Variants in IDI2 observed in about 807,000 individuals in gnomAD.
IDI2 encodes the protein isopentenyl-diphosphate delta isomerase 2.
IDI2 carries 18 observed loss-of-function variants against 14.8 expected under a neutral mutation model. The observed-to-expected ratio is 1.22, with a 90% CI of 0.84 to 1.80. IDI2 has a LOEUF of 1.80. Ranked by LOEUF, IDI2 falls within the 40% of genes most tolerant of loss-of-function variation. IDI2 has a pLI of 0.00. For missense variants in IDI2, 316 were observed against 283.2 expected (o/e 1.12, Z -0.83); for synonymous variants, 133 against 109.6 (o/e 1.21, Z -1.33).
intron 3 of IDI2, among the ~76,000 whole-genome samples, chr10:1,021,179 C>G (rs543621029): frequency 6.6e-6 from 1 of 152,302 alleles, no homozygotes; most frequent in East Asian, 1.9e-4. Context: ...TGGCACTATC[C>G]CAGTATGTCT....
chr10:1,023,303 G>A (rs1242727489), intron 2 of IDI2, among the ~76,000 whole-genome samples: 2 of 152,056 alleles, frequency 1.3e-5, no homozygotes, highest in East Asian at 1.9e-4. Context: ...GTGAAACCCC[G>A]TCTCTACTAA....
intron 3 of IDI2, among the ~76,000 whole-genome samples, chr10:1,021,188 C>G (rs1589036529): frequency 6.6e-6 from 1 of 152,158 alleles, no homozygotes; most frequent in Non-Finnish European, 1.5e-5. Context: ...CCCAGTATGT[C>G]TTAGGAGAGG....
Position 1,019,817 on chromosome 10 carries a change from A to G in IDI2, c.384T>C (p.Ile128=), listed in dbSNP as rs1564473978. The G allele has an allele frequency of 6.2e-7, 1 of 1,613,718 alleles. No homozygotes were observed. The highest frequency in any genetic ancestry group is 8.5e-7 in the Non-Finnish European group (1 of 1,179,592). The change falls in exon 5 of 5, where the codon ATT becomes ATC. Residue 128 remains isoleucine, a synonymous_variant. Transcript: ENST00000277517. ...IPGEQISPED[I]VFMTIYHHKA... ...TGTGGTGATAGATTGTCATGAACACAATGTCCTCTGGAGAAATCTATTGAC... is the reference window on the plus strand; with the variant it reads ...TGTGGTGATAGATTGTCATGAACACGATGTCCTCTGGAGAAATCTATTGAC...
intron 4 of IDI2, 23 bp downstream of exon 4, chr10:1,020,744 C>T: frequency 6.3e-7 from 1 of 1,599,228 alleles, no homozygotes; most frequent in African/African-American, 1.3e-5. Context: ...GTGGACACAG[C>T]TGAGACTGGA....
intron 2 of IDI2, among the ~76,000 whole-genome samples, chr10:1,024,197 G>A (rs1832169575): frequency 6.6e-6 from 1 of 152,308 alleles, no homozygotes; most frequent in South Asian, 2.1e-4. Context: ...GGGGGTTCTG[G>A]CTACACCGAC....
intron 4 of IDI2, among the ~76,000 whole-genome samples, chr10:1,020,336 G>A (rs920652914): frequency 1.3e-4 from 20 of 152,020 alleles, no homozygotes; most frequent in African/African-American, 4.3e-4. Context: ...GATTACAGGC[G>A]TGTGCCACTA....
At chr10:1,022,881 TGGCACCTGGGC>T in intron 2 of IDI2, 106 bp from the exon 3 acceptor site, 1 of 827,862 alleles carries the variant, frequency 1.2e-6, no homozygotes, top group Non-Finnish European at 2.0e-6. Context: ...CCTGTGATTG[TGGCACCTGGGC>T]AGGGCAAAGG....
Position 1,019,229 on chromosome 10 carries a change from T to A in IDI2, c.*288A>T. ...GACTCTCAAGATCTCCCCAAGACTT[T>A]CAGGATCAGCTGCTGTTAATCAAAC... On this transcript the variant is annotated 3_prime_UTR_variant, in exon 5 of 5. Coordinates refer to ENST00000277517, the MANE Select transcript of IDI2 (RefSeq NM_033261.3). The A allele has an allele frequency of 3.1e-6, 1 of 324,846 alleles. No individual in the cohort carries two copies. Among genetic ancestry groups the A allele is most frequent in the Non-Finnish European group, 5.8e-6 (1 of 172,652 alleles). The allele number at this position is 324,846 out of a possible 1,614,324, so 20.1% of individuals were successfully genotyped here. A position where few individuals can be genotyped will look rare whatever the true frequency, so the allele number is the denominator to read the frequency against.
intron 3 of IDI2, among the ~76,000 whole-genome samples, chr10:1,021,375 T>C (rs528052622): frequency 7.2e-5 from 11 of 152,330 alleles, no homozygotes; most frequent in Admixed American, 6.5e-4. Flanking sequence ...TGGAATACCT[T>C]TGACCAAGTT....
intron 1 of IDI2, 112 bp from the exon 2 acceptor site, chr10:1,024,856 A>C: frequency 2.1e-6 from 2 of 965,064 alleles, no homozygotes; most frequent in Non-Finnish European, 3.2e-6. Context: ...TACAAGTGAC[A>C]GCAATTGTGT....
intron 2 of IDI2, among the ~76,000 whole-genome samples, chr10:1,023,095 A>G (rs1440808166): frequency 1.3e-5 from 2 of 152,226 alleles, no homozygotes; most frequent in African/African-American, 2.4e-5. Flanking sequence ...CAGCCAAGAT[A>G]TGAGATCAAC....
chr10:1,022,850 A>T (rs1832135767), intron 2 of IDI2, 75 bp from the exon 3 acceptor site: 7 of 1,175,166 alleles, frequency 6.0e-6, no homozygotes, highest in Non-Finnish European at 8.9e-6. Flanking sequence ...TTTTGTCCTC[A>T]GTCTGTTTCT....
Position 1,024,656 on chromosome 10 carries a change from A to T in IDI2, c.68T>A (p.Val23Asp), listed in dbSNP as rs773140126. The T allele has an allele frequency of 1.9e-6, 3 of 1,614,040 alleles. No homozygotes were observed. The highest frequency in any genetic ancestry group is 2.2e-5 in the East Asian group (1 of 44,874). ...AATAACCTTATCATTCTCATCCACA[A>T]CAATCAGCATTTCCTCCAAGCGCTG... ...QLQRLEEMLI[V>D]VDENDKVIGA... The change falls in exon 2 of 5, where the codon GTT (valine) becomes GAT (aspartate). Residue 23 changes from valine to aspartate, a missense_variant. Physicochemically the swap from Val to Asp is radical, Grantham distance 152 (BLOSUM62 -3). Transcript: ENST00000277517.
chr10:1,022,364 G>A (rs879569421), intron 3 of IDI2, among the ~76,000 whole-genome samples: 2 of 152,090 alleles, frequency 1.3e-5, no homozygotes, highest in African/African-American at 2.4e-5. Context: ...TTAATTTTAT[G>A]CTAAATGCTA....
chr10:1,019,782 G>C lies in IDI2; in HGVS notation c.419C>G (p.Ser140Ter), dbSNP rs147373006. The change falls in exon 5 of 5, where the codon TCA (serine) becomes TGA (stop). Residue 140 changes from serine to a stop codon, truncating the protein, a stop_gained. Transcript: ENST00000277517. LOFTEE classifies it low-confidence loss of function (END_TRUNC). ...FMTIYHHKAK[S>*]DRIWGEHEIC... ...TTCATGCTCTCCCCAAATTCTGTCT[G>C]ATTTTGCCTTGTGGTGATAGATTGT... is the stretch of plus-strand genomic sequence containing the variant. 1.7e-5 allele frequency: 27 copies of C among 1,613,922 alleles called. No individual in the cohort carries two copies. Among genetic ancestry groups the C allele is most frequent in the African/African-American group, 1.5e-4 (11 of 74,882 alleles).
At position 1,022,166 on chromosome 10, in the gene IDI2, G is replaced by A. The variant is rs191632427; in HGVS notation, c.235+517C>T. Among the ~76,000 whole-genome samples, 690 of 152,108 alleles carry A rather than the reference G, an allele frequency of 4.5e-3. 2 individuals are homozygous for A. The highest frequency in any genetic ancestry group is 8.3e-3 in the Non-Finnish European group (567 of 67,984). On this transcript the variant is annotated intron_variant, in intron 3 of 4. Coordinates refer to ENST00000277517, the MANE Select transcript of IDI2 (RefSeq NM_033261.3). ...CCCAGCTACTTGGGAGGCTGAGGCA[G>A]GACAATGGCGTGAACCCAGGAGGCG...
Position 1,024,591 on chromosome 10 carries a change from T to G in IDI2, c.133A>C (p.Ile45Leu), listed in dbSNP as rs1037908098. 3 of 1,614,036 alleles carry G rather than the reference T, an allele frequency of 1.9e-6. No homozygotes were observed. The East Asian group carries it at 6.7e-5, about 36-fold the overall frequency. ...TKRNCHLNENIEKGLLHRAFS... is the reference protein window; with the variant it reads ...TKRNCHLNENLEKGLLHRAFS... ...AATGGGCGGGGGCTACCTTTCTCAA[T>G]GTTTTCGTTCAGATGGCAATTCCTC... is the stretch of plus-strand genomic sequence containing the variant. Residue 45 changes from isoleucine to leucine, a missense_variant, in exon 2 of 5, where the codon ATT (isoleucine) becomes CTT (leucine). By Grantham distance (5) the Ile-to-Leu change is conservative. Transcript: ENST00000277517.
At chr10:1,024,535 A>T in intron 2 of IDI2, 47 bp downstream of exon 2, 1 of 1,602,508 alleles carries the variant, frequency 6.2e-7, no homozygotes, top group Non-Finnish European at 8.5e-7. Flanking sequence ...GGGTGGGAAA[A>T]ATGGGAAAAC....
At position 1,020,853 on chromosome 10, in the gene IDI2, CTGGGTTGTATAATGGG is replaced by C. The variant is rs1226333022; in HGVS notation, c.264_279del (p.His88GlnfsTer12). ...ATGGCATCCTTTTCTTCCAGTTCTG[CTGGGTTGTATAATGGG>C]TGGCTACTACAGGAGTCGGTAAAAT... On this transcript the variant is annotated frameshift_variant, in exon 4 of 5. Transcript: ENST00000277517. LOFTEE classifies it high-confidence loss of function. 3.7e-6 allele frequency: 6 copies of C among 1,613,894 alleles called. No homozygotes were observed. Among genetic ancestry groups the C allele is most frequent in the Non-Finnish European group, 5.1e-6 (6 of 1,179,956 alleles).
Sources: gnomAD v4.1 joint callset for allele counts (sites outside exome capture counted in the v4.1 genomes callset) on GRCh38, gnomAD v4.1.1 for gene constraint, MANE v1.5 for transcripts, NCBI Gene and HGNC (gene_info 2026-07-23, HGNC 2026-07-21) for gene names.